The following SYT9 variants were observed in gnomAD, a reference collection of about 807,000 sequenced individuals.
SYT9 encodes synaptotagmin-9.
SYT9 carries 22 observed loss-of-function variants against 48.4 expected under a neutral mutation model. The observed-to-expected ratio is 0.45, with a 90% CI of 0.32 to 0.65. The LOEUF is 0.65. Among genes scored for constraint, SYT9 ranks in the 30% least tolerant of loss-of-function variants. The pLI, the probability that SYT9 is intolerant of heterozygous loss-of-function variation, is 0.03. For missense variants in SYT9, 577 were observed against 622.0 expected (o/e 0.93, Z 0.77); for synonymous variants, 265 against 245.0 (o/e 1.08, Z -0.76).
chr11:7,425,045 C>T (rs1397700464), intron 6 of SYT9, among the ~76,000 whole-genome samples: 5 of 152,240 alleles, frequency 3.3e-5, no homozygotes, highest in African/African-American at 1.2e-4. Context: ...CTTGTAGTTA[C>T]ACAAGCAGCC....
chr11:7,440,773 A>G (rs1847815745), intron 6 of SYT9: 1 of 152,250 alleles, frequency 6.6e-6, no homozygotes, highest in South Asian at 2.1e-4. Context: ...ACCAGAATAA[A>G]TCATTCTAGC....
chr11:7,379,019 A>G (rs970044209), intron 3 of SYT9, among the ~76,000 whole-genome samples: 2 of 152,182 alleles, frequency 1.3e-5, no homozygotes, highest in Non-Finnish European at 2.9e-5. Context: ...AATAAAAAAC[A>G]ATTTTTCATC....
Position 7,467,103 on chromosome 11 carries a change from G to T in SYT9, c.*303G>T. 1 of 390,344 alleles carries T rather than the reference G, an allele frequency of 2.6e-6. No homozygotes were observed. Among genetic ancestry groups the T allele is most frequent in the Non-Finnish European group, 4.6e-6 (1 of 216,878 alleles). 24.2% of individuals were successfully genotyped at this position (390,344 alleles called of 1,614,324 possible). ...TATAGTGACAGTACCAAGAGTACCA[G>T]GACTCAATGTTTCATATGAAGCCCT... On this transcript the variant is annotated 3_prime_UTR_variant, in exon 7 of 7. Transcript: ENST00000318881.
At chr11:7,306,240 A>G (rs1849028646) in intron 2 of SYT9, among the ~76,000 whole-genome samples, 1 of 152,178 alleles carries the variant, frequency 6.6e-6, no homozygotes, top group Non-Finnish European at 1.5e-5. Context: ...GGATCCCCAA[A>G]ATAGAAGGAA....
At chr11:7,436,954 A>G (rs1390712091) in intron 6 of SYT9, among the ~76,000 whole-genome samples, 2 of 152,238 alleles carry the variant, frequency 1.3e-5, no homozygotes, top group African/African-American at 4.8e-5. Context: ...AGCTAGTTTT[A>G]GATAACTGTG....
chr11:7,275,652 C>T (rs1848375343), intron 1 of SYT9, among the ~76,000 whole-genome samples: 1 of 152,164 alleles, frequency 6.6e-6, no homozygotes, highest in African/African-American at 2.4e-5. Flanking sequence ...CATATTCCAG[C>T]CCAGACTGCT....
intron 3 of SYT9, among the ~76,000 whole-genome samples, chr11:7,350,917 T>G (rs909479642): frequency 1.6e-4 from 25 of 152,240 alleles, no homozygotes; most frequent in African/African-American, 5.8e-4. Flanking sequence ...CTGATCCCAT[T>G]GCTCACTCTC....
At chr11:7,451,959 C>T (rs1848060555) in intron 6 of SYT9, among the ~76,000 whole-genome samples, 1 of 151,988 alleles carries the variant, frequency 6.6e-6, no homozygotes, top group African/African-American at 2.4e-5. Context: ...GGTTGGATTC[C>T]AACTCTAGAG....
At chr11:7,251,546 A>G (rs1847867991), upstream of SYT9, among the ~76,000 whole-genome samples, 1 of 152,182 alleles carries the variant, frequency 6.6e-6, no homozygotes, top group Non-Finnish European at 1.5e-5. Context: ...CCAAGTTCGA[A>G]GCAGGGACTC....
intron 1 of SYT9, among the ~76,000 whole-genome samples, chr11:7,261,055 G>A (rs1236771478): frequency 3.3e-5 from 5 of 152,176 alleles, no homozygotes; most frequent in East Asian, 1.9e-4. Context: ...ACGCTGTAGA[G>A]ATAGTTCTTT....
intron 3 of SYT9, among the ~76,000 whole-genome samples, chr11:7,353,515 T>A (rs566413193): frequency 1.3e-5 from 2 of 152,308 alleles, no homozygotes; most frequent in South Asian, 2.1e-4. Flanking sequence ...CAGTACCACA[T>A]TGACTTCTCT....
chr11:7,416,281 C>T, intron 4 of SYT9, 119 bp downstream of exon 4: 2 of 1,194,242 alleles, frequency 1.7e-6, no homozygotes, highest in Non-Finnish European at 2.4e-6. Flanking sequence ...AGGCTTAGCC[C>T]TAGTCCTAAC....
chr11:7,256,561 G>C (rs1410059452), intron 1 of SYT9, among the ~76,000 whole-genome samples: 1 of 152,172 alleles, frequency 6.6e-6, no homozygotes, highest in Non-Finnish European at 1.5e-5. Flanking sequence ...CACATGTACT[G>C]AAAACTGAGG....
intron 6 of SYT9, among the ~76,000 whole-genome samples, chr11:7,452,630 C>T (rs1181604694): frequency 1.3e-5 from 2 of 152,104 alleles, no homozygotes; most frequent in African/African-American, 4.8e-5. Flanking sequence ...TTGCCTTACC[C>T]ATACTCCTTT....
intron 6 of SYT9, among the ~76,000 whole-genome samples, chr11:7,458,398 T>C (rs1393391651): frequency 6.6e-6 from 1 of 152,118 alleles, no homozygotes; most frequent in African/African-American, 2.4e-5. Context: ...GGAGAGTCAC[T>C]TGAACCTGGG....
intron 3 of SYT9, among the ~76,000 whole-genome samples, chr11:7,383,330 T>C (rs542661512): frequency 6.0e-4 from 91 of 152,234 alleles, no homozygotes; most frequent in Non-Finnish European, 2.9e-5. Flanking sequence ...AGTTAGCCAG[T>C]AGTACTAGGA....
At chr11:7,247,536 TATATACACGTATACATGTATATACAC>T (rs1564834783), upstream of SYT9, among the ~76,000 whole-genome samples, 16 of 148,546 alleles carry the variant, frequency 1.1e-4, no homozygotes, top group African/African-American at 3.9e-4. Flanking sequence ...TATATACATA[TATATACACGTATACATGTATATACAC>T]ATATATACAC....
At chr11:7,417,705 T>C (rs1487109825) in intron 4 of SYT9, among the ~76,000 whole-genome samples, 3 of 152,238 alleles carry the variant, frequency 2.0e-5, no homozygotes, top group South Asian at 2.1e-4. Context: ...CCTTAACAGA[T>C]GTTTTCAAAC....
At chr11:7,254,493 A>C (rs1304374161) in intron 1 of SYT9, among the ~76,000 whole-genome samples, 1 of 152,174 alleles carries the variant, frequency 6.6e-6, no homozygotes, top group East Asian at 1.9e-4. Flanking sequence ...CATCCCTCTG[A>C]AGCAAGAGTG....
Sources: allele counts gnomAD v4.1 joint callset (sites outside exome capture counted in the v4.1 genomes callset), GRCh38; gene constraint gnomAD v4.1.1; transcripts MANE v1.5; gene names NCBI Gene and HGNC (gene_info 2026-07-23, HGNC 2026-07-21).